Variants in GCNT4 observed in about 807,000 individuals in gnomAD.
The protein encoded by GCNT4 is beta-1,3-galactosyl-O-glycosyl-glycoprotein beta-1,6-N-acetylglucosaminyltransferase 4.
In GCNT4, 17 loss-of-function variants were observed where a neutral mutation model predicts 31.3. That is an observed-to-expected ratio of 0.54 (90% CI 0.37 to 0.81). GCNT4 has a LOEUF of 0.81. GCNT4 is among the 40% of genes least tolerant of loss of function. The pLI is 0.00. For missense variants in GCNT4, 503 were observed against 525.5 expected, an observed-to-expected ratio of 0.96 and a Z score of 0.42; for synonymous variants, 158 against 190.6, an observed-to-expected ratio of 0.83 and a Z score of 1.41.
intron 3 of GCNT4, among the ~76,000 whole-genome samples, chr5:75,043,484 T>G (rs953150819): frequency 2.6e-5 from 4 of 152,244 alleles, no homozygotes; most frequent in Non-Finnish European, 4.4e-5. Flanking sequence ...TGTGGGATTT[T>G]GGGAAAGTTT....
At chr5:75,050,461 C>G (rs1286812099) in intron 2 of GCNT4, among the ~76,000 whole-genome samples, 1 of 152,078 alleles carries the variant, frequency 6.6e-6, no homozygotes, top group Non-Finnish European at 1.5e-5. Flanking sequence ...CTGGGAGCAG[C>G]TTCCAGTCCT....
chr5:75,053,173 G>A (rs1181250444), upstream of GCNT4, among the ~76,000 whole-genome samples: 1 of 151,690 alleles, frequency 6.6e-6, no homozygotes, highest in Admixed American at 6.6e-5. Context: ...GCAGGCGGCG[G>A]CTGCCGCGGG....
At chr5:75,032,764 A>G (rs998606703) in intron 3 of GCNT4, among the ~76,000 whole-genome samples, 1 of 151,654 alleles carries the variant, frequency 6.6e-6, no homozygotes, top group African/African-American at 2.4e-5. Context: ...AACTGTCCCC[A>G]CTCCCTTGCC....
chr5:75,018,271 A>AC, the GCNT4 span, among the ~76,000 whole-genome samples: 5 of 151,886 alleles, frequency 3.3e-5, no homozygotes, highest in African/African-American at 1.2e-4. Context: ...TAACATGTTT[A>AC]TTTTTTATTT....
At chr5:75,043,078 C>T (rs1413493660) in intron 3 of GCNT4, among the ~76,000 whole-genome samples, 13 of 152,086 alleles carry the variant, frequency 8.5e-5, no homozygotes, top group African/African-American at 2.4e-4. Context: ...CCCTTCTAGC[C>T]GTAGTTTTAA....
rs188164202 is a variant in GCNT4 at position 75,046,240 on chromosome 5, A to G, written c.-2+1657T>C. Among the ~76,000 whole-genome samples, 152 of 152,320 alleles carry G rather than the reference A, an allele frequency of 1.0e-3. 1 individual carries two copies. Among genetic ancestry groups the G allele is most frequent in the Admixed American group, 5.4e-3 (82 of 15,298 alleles). On this transcript the variant is annotated intron_variant, in intron 3 of 3. Transcript: ENST00000652361. ...GAAGAGGGCAGGAGGGTTGCTGGAA[A>G]GGCTAAAGGAAGAAGGAACCTGGTA...
At chr5:75,033,984 A>C (rs1440135770) in intron 3 of GCNT4, among the ~76,000 whole-genome samples, 8 of 152,154 alleles carry the variant, frequency 5.3e-5, no homozygotes, top group Non-Finnish European at 7.3e-5. Context: ...ATGGCTTCCC[A>C]CTTCATCCAT....
chr5:75,028,860 TAAATACACACGCTTCG>T lies in GCNT4; in HGVS notation c.1162_1177del (p.Arg388MetfsTer6). On this transcript the variant is annotated frameshift_variant, in exon 4 of 4. Coordinates refer to ENST00000652361, the MANE Select transcript of GCNT4 (RefSeq NM_001366737.1). LOFTEE classifies it high-confidence loss of function. ...AAGCCACCTTAATTCTGCAGCTCCA[TAAATACACACGCTTCG>T]AAGGTGAGATCCAGTACAACTGGGA... The T allele has an allele frequency of 6.2e-7, 1 of 1,614,076 alleles. No homozygotes were observed. Among genetic ancestry groups the T allele is most frequent in the South Asian group, 1.1e-5 (1 of 91,082 alleles).
At chr5:75,050,067 T>C (rs1743534050) in intron 2 of GCNT4, among the ~76,000 whole-genome samples, 1 of 152,186 alleles carries the variant, frequency 6.6e-6, no homozygotes, top group South Asian at 2.1e-4. Flanking sequence ...GAGACAGGAA[T>C]GTCAGGAAGC....
At chr5:75,052,075 TGTTA>T (rs922457840) in intron 2 of GCNT4, 90 bp downstream of exon 2, 6 of 152,112 alleles carry the variant, frequency 3.9e-5, no homozygotes, top group African/African-American at 1.2e-4. Flanking sequence ...CAGAATGAAC[TGTTA>T]GTTTCTAGAA....
chr5:75,029,610 G>A lies in GCNT4; in HGVS notation c.428C>T (p.Ala143Val). The A allele has an allele frequency of 4.3e-6, 7 of 1,614,082 alleles. No homozygotes were observed. Among genetic ancestry groups the A allele is most frequent in the East Asian group, 2.2e-5 (1 of 44,876 alleles). ...IAYSLVVHKD[A>V]IMVERLIHAI... ...ATGGATAAGCCTTTCAACCATAATT[G>A]CATCTTTGTGGACAACCAAAGAATA... is the stretch of plus-strand genomic sequence containing the variant. Residue 143 changes from alanine (A) to valine (V), a missense_variant, in exon 4 of 4, where the codon GCA becomes GTA. Ala to Val is a moderately conservative substitution (Grantham distance 64). Coordinates refer to ENST00000652361, the MANE Select transcript of GCNT4 (RefSeq NM_001366737.1).
chr5:75,037,175 C>T (rs540533886), intron 3 of GCNT4, among the ~76,000 whole-genome samples: 2 of 152,166 alleles, frequency 1.3e-5, no homozygotes, highest in African/African-American at 2.4e-5. Context: ...CATCCTGCTA[C>T]TGCAGCTCCT....
chr5:75,031,689 A>G (rs896537898), intron 3 of GCNT4, among the ~76,000 whole-genome samples: 2 of 152,190 alleles, frequency 1.3e-5, no homozygotes, highest in South Asian at 2.1e-4. Flanking sequence ...TTATCACTGA[A>G]TATCTTTTAG....
Position 75,029,957 on chromosome 5 carries a change from A to G in GCNT4, c.81T>C (p.Ser27=). Residue 27 remains serine (S), a synonymous_variant, in exon 4 of 4, where the codon TCT becomes TCC. Coordinates refer to ENST00000652361, the MANE Select transcript of GCNT4 (RefSeq NM_001366737.1). Reference sequence around the variant, plus strand: ...GTCTCACATTTAGAAGCTTTAACAAAGAGAGCAGCCATAGGGTTAAAAACA... The same window carrying G: ...GTCTCACATTTAGAAGCTTTAACAAGGAGAGCAGCCATAGGGTTAAAAACA... ...FILFLTLWLL[S]LLKLLNVRRL... is the part of the protein sequence containing the mutation. 1 of 1,614,134 alleles carries G rather than the reference A, an allele frequency of 6.2e-7. No individual in the cohort carries two copies. The highest frequency in any genetic ancestry group is 1.3e-5 in the African/African-American group (1 of 75,062).
chr5:75,029,033 A>T lies in GCNT4; in HGVS notation c.1005T>A (p.Asp335Glu). Reference protein sequence around the residue: ...FAWSKDTYSPDEHFWATLIRV... With the variant: ...FAWSKDTYSPEEHFWATLIRV... ...GAATCAAGGTAGCCCAAAAGTGCTCATCAGGAGAGTATGTGTCTTTAGACC... is the reference window on the plus strand; with the variant it reads ...GAATCAAGGTAGCCCAAAAGTGCTCTTCAGGAGAGTATGTGTCTTTAGACC... Residue 335 changes from aspartate to glutamate, a missense_variant, in exon 4 of 4, where the codon GAT becomes GAA. Transcript: ENST00000652361. The T allele has an allele frequency of 6.2e-7, 1 of 1,614,196 alleles. No homozygotes were observed. The highest frequency in any genetic ancestry group is 8.5e-7 in the Non-Finnish European group (1 of 1,180,030).
At chr5:75,048,317 A>G (rs1015475052) in intron 2 of GCNT4, among the ~76,000 whole-genome samples, 3 of 152,290 alleles carry the variant, frequency 2.0e-5, no homozygotes, top group South Asian at 2.1e-4. Context: ...CAAGCAGATT[A>G]CCTGGATCTA....
intron 2 of GCNT4, 84 bp from the exon 3 acceptor site, chr5:75,048,121 C>T (rs1743484925): frequency 6.6e-6 from 1 of 152,092 alleles, no homozygotes; most frequent in Non-Finnish European, 1.5e-5. Flanking sequence ...GACAACTATT[C>T]CTCTGATGTT....
At position 75,029,216 on chromosome 5, in the gene GCNT4, C is replaced by T. The variant is rs950860117; in HGVS notation, c.822G>A (p.Val274=). The part of the protein sequence containing the change: ...RFTYHHELRR[V]PYEYVKLPIR... ...TTGGTAGCTTCACATATTCATAAGG[C>T]ACCCGTCTAAGTTCATGATGGTAAG... The change falls in exon 4 of 4, where the codon GTG becomes GTA. Residue 274 remains valine, a synonymous_variant. Transcript: ENST00000652361. 2 of 1,613,922 alleles carry T rather than the reference C, an allele frequency of 1.2e-6. No homozygotes were observed. Among genetic ancestry groups the T allele is most frequent in the African/African-American group, 2.7e-5 (2 of 74,928 alleles).
At chr5:75,048,573 G>A (rs147171791) in intron 2 of GCNT4, among the ~76,000 whole-genome samples, 77 of 152,286 alleles carry the variant, frequency 5.1e-4, no homozygotes, top group Non-Finnish European at 8.4e-4. Context: ...CAAAACCATC[G>A]TGCTCCTGGA....
Sources: gnomAD v4.1 joint callset for allele counts (sites outside exome capture counted in the v4.1 genomes callset) on GRCh38, gnomAD v4.1.1 for gene constraint, MANE v1.5 for transcripts, NCBI Gene and HGNC (gene_info 2026-07-23, HGNC 2026-07-21) for gene names.